FBL: variants seen among roughly 807,000 people sequenced by gnomAD.
FBL encodes fibrillarin rRNA 2'-O-methyltransferase.
Under a neutral mutation model 42.2 loss-of-function variants are expected in FBL, and 10 were observed. The observed-to-expected ratio is 0.24, with a 90% CI of 0.15 to 0.40. The LOEUF (loss-of-function observed/expected upper bound fraction) is 0.40, where lower values mean the gene tolerates loss of function less well. Ranked by LOEUF, FBL falls within the 10% of genes least tolerant of loss-of-function variation. The pLI is 1.00. For missense variants in FBL, 351 were observed against 439.2 expected, an observed-to-expected ratio of 0.80 and a Z score of 1.79; for synonymous variants, 165 against 165.4, an observed-to-expected ratio of 1.00 and a Z score of 0.02.
At chr19:39,835,642 T>C (rs955406867) in intron 7 of FBL, among the ~76,000 whole-genome samples, 1 of 152,194 alleles carries the variant, frequency 6.6e-6, no homozygotes, top group Non-Finnish European at 1.5e-5. Context: ...ATGAAAGTTT[T>C]TGGCTGGGTG....
At chr19:39,834,963 G>A (rs1969004867) in intron 7 of FBL, 150 bp from the exon 8 acceptor site, 4 of 815,456 alleles carry the variant, frequency 4.9e-6, no homozygotes, top group Admixed American at 5.5e-5. Context: ...TGTTGGAAAC[G>A]TAACCCTTAA....
intron 7 of FBL, among the ~76,000 whole-genome samples, chr19:39,835,604 G>A (rs919785711): frequency 1.3e-5 from 2 of 152,096 alleles, no homozygotes; most frequent in East Asian, 1.9e-4. Context: ...TAAGACACTC[G>A]GGTTTAGGAA....
chr19:39,837,331 A>G (rs186316192), intron 6 of FBL, among the ~76,000 whole-genome samples: 60 of 152,326 alleles, frequency 3.9e-4, no homozygotes, highest in African/African-American at 1.3e-3. Context: ...ATTAATATTC[A>G]CAGTGGGCCC....
At position 39,840,687 on chromosome 19, in the gene FBL, G is replaced by A. The variant is rs142017132; in HGVS notation, c.111C>T (p.Gly37=). Residue 37 remains glycine, a synonymous_variant, in exon 2 of 9, where the codon GGC becomes GGT. Coordinates refer to ENST00000221801, the MANE Select transcript of FBL (RefSeq NM_001436.4). This position sits in a 1 kb window ranked among gnomAD's most constrained non-coding sequence, Gnocchi z 4.5. ...RGGFGGGRGR[G]GGFRGRGRGG... ...CTCGTCCACGACCTCTAAAGCCTCC[G>A]CCTCGACCTCGGCCCCCGCCAAAGC... 11 of 1,596,940 alleles carry A rather than the reference G, an allele frequency of 6.9e-6. No homozygotes were observed. The highest frequency in any genetic ancestry group is 6.8e-6 in the Non-Finnish European group (8 of 1,172,296).
rs1427241017 is a variant in FBL at position 39,837,845 on chromosome 19, TA to T, written c.550-3del. ...CTCGACTGCATAGACTAGACCATCC[TA>T]AAATAAATTAAAAATTAATGAACAG... On this transcript the variant is annotated splice_polypyrimidine_tract_variant and splice_region_variant and intron_variant, in intron 5 of 8. Transcript: ENST00000221801. 1 of 1,612,940 alleles carries T rather than the reference TA, an allele frequency of 6.2e-7. No individual in the cohort carries two copies. Among genetic ancestry groups the T allele is most frequent in the African/African-American group, 1.3e-5 (1 of 74,834 alleles).
chr19:39,843,208 C>T (rs1258378738), intron 1 of FBL, among the ~76,000 whole-genome samples: 1 of 152,166 alleles, frequency 6.6e-6, no homozygotes, highest in Non-Finnish European at 1.5e-5. Context: ...CCCCAAAACC[C>T]TGCACAACAT....
At chr19:39,839,863 G>C (rs1969123418) in intron 4 of FBL, among the ~76,000 whole-genome samples, 1 of 152,204 alleles carries the variant, frequency 6.6e-6, no homozygotes. Flanking sequence ...TTGACCCGCA[G>C]AGTGGTGTGA....
At chr19:39,844,028 A>G (rs1969212646) in intron 1 of FBL, among the ~76,000 whole-genome samples, 1 of 152,024 alleles carries the variant, frequency 6.6e-6, no homozygotes, top group South Asian at 2.1e-4. Context: ...GTAACTTTTA[A>G]TAGCTACTCC....
At position 39,845,014 on chromosome 19, in the gene FBL, A is replaced by G. The variant is rs113082836; in HGVS notation, c.10+1277T>C. On this transcript the variant is annotated intron_variant, in intron 1 of 8. Transcript: ENST00000221801. ...GCCAGGATCTCAGCATACCTGGCCT[A>G]CAATCCCCCACCCCACTTCATCAAG... Among the ~76,000 whole-genome samples, 603 of 152,314 alleles carry G rather than the reference A, an allele frequency of 4.0e-3. 5 individuals are homozygous for G. Among genetic ancestry groups the G allele is most frequent in the African/African-American group, 0.014 (577 of 41,568 alleles).
At position 39,840,566 on chromosome 19, in the gene FBL, C is replaced by T. The variant is rs1969142180; in HGVS notation, c.181+51G>A. 6.2e-6 allele frequency: 10 copies of T among 1,612,754 alleles called. No homozygotes were observed. Among genetic ancestry groups the T allele is most frequent in the Non-Finnish European group, 8.5e-6 (10 of 1,179,206 alleles). On this transcript the variant is annotated intron_variant, in intron 2 of 8. Coordinates refer to ENST00000221801, the MANE Select transcript of FBL (RefSeq NM_001436.4). The surrounding 1 kb of genome is among the most constrained non-coding windows in gnomAD (Gnocchi z 4.5). ...AGAAAGATCCTGAATCTCCGCCCTC[C>T]CCACTCCCCACCTCAGGAAGGCCTC...
chr19:39,840,642 G>A lies in FBL; in HGVS notation c.156C>T (p.Gly52=), dbSNP rs573913896. 2.4e-5 allele frequency: 39 copies of A among 1,611,504 alleles called. No homozygotes were observed. The highest frequency in any genetic ancestry group is 1.6e-4 in the African/African-American group (12 of 74,762). The change falls in exon 2 of 9, where the codon GGC becomes GGT. Residue 52 remains glycine (G), a synonymous_variant. Transcript: ENST00000221801. This position sits in a 1 kb window ranked among gnomAD's most constrained non-coding sequence, Gnocchi z 4.5. ...GRGRGGGGGG[G]GGGGGGRGGG... is the part of the protein sequence containing the mutation. ...CACCTCTTCCTCCTCCTCCACCGCC[G>A]CCGCCGCCTCCACCTCCTCCTCGTC... is the stretch of plus-strand genomic sequence containing the variant.
In FBL at chr19:39,840,184, A is replaced by G. The variant is rs779472910; in HGVS notation, c.378+49T>C. 1.5e-6 allele frequency: 2 copies of G among 1,308,060 alleles called. No individual in the cohort carries two copies. Among genetic ancestry groups the G allele is most frequent in the Non-Finnish European group, 2.2e-6 (2 of 902,668 alleles). 81.0% of individuals were successfully genotyped at this position (1,308,060 alleles called of 1,614,324 possible). ...TGAGGGCAGACACAGACTACTGGCT[A>G]CACCCTCAGCTGCGACCCTGGTGGC... On this transcript the variant is annotated intron_variant, in intron 4 of 8. Coordinates refer to ENST00000221801, the MANE Select transcript of FBL (RefSeq NM_001436.4). This position sits in a 1 kb window ranked among gnomAD's most constrained non-coding sequence, Gnocchi z 4.5.
intron 7 of FBL, 22 bp from the exon 8 acceptor site, chr19:39,834,835 T>C: frequency 2.5e-6 from 4 of 1,613,966 alleles, no homozygotes; most frequent in East Asian, 2.2e-5. Flanking sequence ...AAAGGACTAA[T>C]GTCTACAACA....
At chr19:39,843,243 A>G (rs906970755) in intron 1 of FBL, among the ~76,000 whole-genome samples, 1 of 152,170 alleles carries the variant, frequency 6.6e-6, no homozygotes, top group African/African-American at 2.4e-5. Flanking sequence ...GGGCTCAATA[A>G]ATGTTAAATG....
In FBL at chr19:39,837,577, C is replaced by A. The variant is rs1055818954; in HGVS notation, c.682+134G>T. 21 of 818,020 alleles carry A rather than the reference C, an allele frequency of 2.6e-5. No individual in the cohort carries two copies. In the Admixed American group the frequency reaches 3.7e-4, roughly 14 times the overall value. 50.7% of individuals were successfully genotyped at this position (818,020 alleles called of 1,614,324 possible). Reference sequence around the variant, plus strand: ...CACAACCTCACCTAGCTCCCCTTACCCCTTTCTATTCCTGCAGACTCAAGA... The same window carrying A: ...CACAACCTCACCTAGCTCCCCTTACACCTTTCTATTCCTGCAGACTCAAGA... On this transcript the variant is annotated intron_variant, in intron 6 of 8. Coordinates refer to ENST00000221801, the MANE Select transcript of FBL (RefSeq NM_001436.4).
In FBL at chr19:39,840,368, T is replaced by G; in HGVS notation, c.284-41A>C. 6.2e-7 allele frequency: 1 copy of G among 1,610,914 alleles called. No homozygotes were observed. Among genetic ancestry groups the G allele is most frequent in the African/African-American group, 1.3e-5 (1 of 74,924 alleles). On this transcript the variant is annotated intron_variant, in intron 3 of 8. Transcript: ENST00000221801. This position sits in a 1 kb window ranked among gnomAD's most constrained non-coding sequence, Gnocchi z 4.5. The stretch of plus-strand genomic sequence containing the variant: ...AGAGCAGGGGTGAGGACCCCCAGCC[T>G]CTCCCTGCCCCGAAGCTCAGCCGGC...
At chr19:39,842,543 A>G (rs151183918) in intron 1 of FBL, among the ~76,000 whole-genome samples, 91 of 152,180 alleles carry the variant, frequency 6.0e-4, no homozygotes, top group African/African-American at 2.0e-3. Flanking sequence ...CAAACAACCA[A>G]AAGTTGTTTA....
chr19:39,838,070 T>C lies in FBL; in HGVS notation c.550-227A>G, dbSNP rs1453440043. Reference sequence around the variant, plus strand: ...CAAGTAGCAAAAGTACCCAATCCCATCTGCCTGAGAGCCCAGGTTCCCAAC... The same window carrying C: ...CAAGTAGCAAAAGTACCCAATCCCACCTGCCTGAGAGCCCAGGTTCCCAAC... On this transcript the variant is annotated intron_variant, in intron 5 of 8. Coordinates refer to ENST00000221801, the MANE Select transcript of FBL (RefSeq NM_001436.4). 15 of 474,814 alleles carry C rather than the reference T, an allele frequency of 3.2e-5. No homozygotes were observed. The East Asian group carries it at 6.2e-4, about 20-fold the overall frequency. 29.4% of individuals were successfully genotyped at this position (474,814 alleles called of 1,614,324 possible).
intron 7 of FBL, 55 bp from the exon 8 acceptor site, chr19:39,834,868 T>C (rs1969002457): frequency 5.7e-6 from 9 of 1,578,844 alleles, no homozygotes; most frequent in Non-Finnish European, 7.0e-6. Flanking sequence ...GTTTTTCTCT[T>C]GTGTGCTCTT....
Sources: allele counts gnomAD v4.1 joint callset (sites outside exome capture counted in the v4.1 genomes callset), GRCh38; gene constraint gnomAD v4.1.1; non-coding constraint Gnocchi (gnomAD v3.1); transcripts MANE v1.5; gene names NCBI Gene and HGNC (gene_info 2026-07-23, HGNC 2026-07-21).